Variants in KLF8 observed in about 807,000 individuals in gnomAD.
KLF8 encodes Krueppel-like factor 8.
KLF8 carries 10 observed loss-of-function variants against 18.2 expected under a neutral mutation model. The observed-to-expected ratio is 0.55, with a 90% CI of 0.34 to 0.93. The LOEUF is 0.93. Among genes scored for constraint, KLF8 ranks in the 40% least tolerant of loss-of-function variants. The pLI, the probability that KLF8 is intolerant of heterozygous loss-of-function variation, is 0.02. For synonymous variants in KLF8, 109 were observed against 97.3 expected, an observed-to-expected ratio of 1.12 and a Z score of -0.71; for missense variants, 264 against 277.9, an observed-to-expected ratio of 0.95 and a Z score of 0.36.
intron 4 of KLF8, among the ~76,000 whole-genome samples, chrX:56,269,810 T>C (rs2067027323): frequency 8.9e-6 from 1 of 112,532 alleles, no homozygotes; most frequent in Non-Finnish European, 1.9e-5. Context: ...TCTTTCAATA[T>C]TGAAACTAAT....
At chrX:56,179,000 G>GT in the KLF8 span, among the ~76,000 whole-genome samples, 345 of 112,170 alleles carry the variant, frequency 3.1e-3, no homozygotes, top group African/African-American at 0.01. Flanking sequence ...TTTTAAAGCA[G>GT]TTTTTTTCAA....
the KLF8 span, among the ~76,000 whole-genome samples, chrX:56,198,987 G>A: frequency 9.0e-6 from 1 of 111,503 alleles, no homozygotes; most frequent in Non-Finnish European, 1.9e-5. Context: ...CAAGAAATGG[G>A]GAAAGGATTC....
chrX:56,060,279 G>A, the KLF8 span, among the ~76,000 whole-genome samples: 1 of 111,913 alleles, frequency 8.9e-6, no homozygotes, highest in Admixed American at 9.5e-5. Context: ...CAAAGGGAAT[G>A]CTTCCAGCTT....
chrX:56,155,527 C>G, the KLF8 span, among the ~76,000 whole-genome samples: 1 of 110,448 alleles, frequency 9.1e-6, no homozygotes, highest in Non-Finnish European at 1.9e-5. Context: ...ATGGGTGCAC[C>G]TCACCAACAT....
the KLF8 span, among the ~76,000 whole-genome samples, chrX:55,975,647 T>A: frequency 3.6e-5 from 4 of 111,318 alleles, no homozygotes; most frequent in East Asian, 1.1e-3. Flanking sequence ...CATTAAAAAA[T>A]TTTAAAACCG....
the KLF8 span, among the ~76,000 whole-genome samples, chrX:56,187,786 C>T: frequency 2.7e-5 from 3 of 110,425 alleles, no homozygotes; most frequent in African/African-American, 6.8e-5. Context: ...ATGATTATCT[C>T]AATAGATGCA....
chrX:55,908,827 A>G, the KLF8 span: 2 of 217,073 alleles, frequency 9.2e-6, no homozygotes, highest in African/African-American at 2.9e-5. Context: ...TTGCCTTACC[A>G]ACTGCCACCT....
the KLF8 span, among the ~76,000 whole-genome samples, chrX:56,103,989 G>T: frequency 9.0e-6 from 1 of 111,471 alleles, no homozygotes; most frequent in South Asian, 3.8e-4. Flanking sequence ...TTTGTCTTTG[G>T]TTCTGTTTAT....
the KLF8 span, among the ~76,000 whole-genome samples, chrX:55,927,591 C>T: frequency 8.9e-6 from 1 of 111,831 alleles, no homozygotes; most frequent in African/African-American, 3.3e-5. Context: ...AGATGTCAGA[C>T]CTATTAATTT....
At chrX:56,135,784 T>C in the KLF8 span, among the ~76,000 whole-genome samples, 1 of 111,689 alleles carries the variant, frequency 9.0e-6, no homozygotes, top group South Asian at 3.7e-4. Context: ...AGGTAAACAA[T>C]GAAATTAAAG....
the KLF8 span, among the ~76,000 whole-genome samples, chrX:56,188,096 A>G: frequency 1.8e-5 from 2 of 111,179 alleles, no homozygotes; most frequent in African/African-American, 6.5e-5. Flanking sequence ...CCCTGTTTGC[A>G]GATGACATGA....
the KLF8 span, among the ~76,000 whole-genome samples, chrX:56,152,173 T>C: frequency 8.9e-6 from 1 of 111,925 alleles, no homozygotes; most frequent in African/African-American, 3.2e-5. Context: ...TATTCACCTG[T>C]ACTTCCAGTT....
chrX:56,114,077 G>A, the KLF8 span, among the ~76,000 whole-genome samples: 7 of 111,976 alleles, frequency 6.3e-5, no homozygotes, highest in South Asian at 3.7e-4. Flanking sequence ...TAAAATTCCC[G>A]CAAGGAGGCC....
At chrX:56,116,091 C>T in the KLF8 span, among the ~76,000 whole-genome samples, 1 of 112,975 alleles carries the variant, frequency 8.9e-6, no homozygotes, top group Non-Finnish European at 1.9e-5. Flanking sequence ...GCTTTCTTAG[C>T]TCTTTGCCTT....
At chrX:56,102,908 C>T in the KLF8 span, among the ~76,000 whole-genome samples, 3 of 79,366 alleles carry the variant, frequency 3.8e-5, no homozygotes, top group Non-Finnish European at 7.1e-5. Flanking sequence ...CCCCTCCCCC[C>T]ACCCCACAAC....
chrX:55,938,445 G>C, the KLF8 span, among the ~76,000 whole-genome samples: 6 of 111,511 alleles, frequency 5.4e-5, no homozygotes, highest in African/African-American at 2.0e-4. Context: ...GACCATCAAG[G>C]CTAGGAAGAA....
the KLF8 span, among the ~76,000 whole-genome samples, chrX:56,127,531 T>A: frequency 9.1e-6 from 1 of 109,567 alleles, no homozygotes; most frequent in Non-Finnish European, 1.9e-5. Context: ...CCAGGCATGA[T>A]GGTGTGTGCC....
At chrX:55,949,188 A>G in the KLF8 span, among the ~76,000 whole-genome samples, 1 of 111,662 alleles carries the variant, frequency 9.0e-6, no homozygotes, top group Non-Finnish European at 1.9e-5. Context: ...AATCTTTGTT[A>G]GTATATTTTA....
At chrX:56,205,964 G>A in the KLF8 span, among the ~76,000 whole-genome samples, 2 of 111,758 alleles carry the variant, frequency 1.8e-5, no homozygotes, top group Non-Finnish European at 3.8e-5. Flanking sequence ...ACATGGCTGG[G>A]GAGACCTCAC....
Sources: allele counts gnomAD v4.1 joint callset (sites outside exome capture counted in the v4.1 genomes callset), GRCh38; gene constraint gnomAD v4.1.1; transcripts MANE v1.5; gene names NCBI Gene and HGNC (gene_info 2026-07-23, HGNC 2026-07-21).